Variants in CDH4 observed in about 807,000 individuals in gnomAD.
CDH4 encodes the protein cadherin-4.
A neutral mutation model predicts 86.0 loss-of-function variants in CDH4; 33 were observed. That is an observed-to-expected ratio of 0.38 (90% CI 0.29 to 0.51). The LOEUF (loss-of-function observed/expected upper bound fraction) is 0.51, where lower values mean the gene tolerates loss of function less well. Ranked by LOEUF, CDH4 falls within the 20% of genes least tolerant of loss-of-function variation. The pLI is 0.86. For synonymous variants in CDH4, 555 were observed against 549.4 expected (o/e 1.01, Z -0.14); for missense variants, 1,114 against 1,307.4 (o/e 0.85, Z 2.28).
At chr20:61,812,488 C>T (rs1980489945) in intron 4 of CDH4, among the ~76,000 whole-genome samples, 1 of 152,176 alleles carries the variant, frequency 6.6e-6, no homozygotes, top group South Asian at 2.1e-4. Context: ...GTACCGACTG[C>T]ACCAGCTTCC....
intron 2 of CDH4, among the ~76,000 whole-genome samples, chr20:61,602,935 C>T (rs115270078): frequency 0.02 from 3,086 of 152,308 alleles, 92 homozygotes; most frequent in African/African-American, 0.061. Flanking sequence ...AGATGCAGCA[C>T]CTGAGGCCCC....
chr20:61,745,604 G>A (rs745747640), intron 3 of CDH4, among the ~76,000 whole-genome samples: 8 of 151,748 alleles, frequency 5.3e-5, no homozygotes, highest in Non-Finnish European at 7.4e-5. Flanking sequence ...AGTCTAGGAC[G>A]GTGTATGTCA....
At chr20:61,464,562 G>A (rs1358903369) in intron 2 of CDH4, among the ~76,000 whole-genome samples, 1 of 152,244 alleles carries the variant, frequency 6.6e-6, no homozygotes, top group Non-Finnish European at 1.5e-5. Flanking sequence ...TCCCTGAGTA[G>A]TGACTAATAC....
intron 2 of CDH4, among the ~76,000 whole-genome samples, chr20:61,489,152 G>A (rs1411935608): frequency 6.6e-6 from 1 of 152,064 alleles, no homozygotes; most frequent in Non-Finnish European, 1.5e-5. Flanking sequence ...CTCTTCTCAG[G>A]AGAACTGAGA....
chr20:61,344,427 G>A (rs1397242272), intron 2 of CDH4, among the ~76,000 whole-genome samples: 1 of 152,170 alleles, frequency 6.6e-6, no homozygotes, highest in Non-Finnish European at 1.5e-5. Context: ...ATCAAGAAAG[G>A]ATTTGAAGTA....
At chr20:61,485,406 G>A (rs1466245266) in intron 2 of CDH4, among the ~76,000 whole-genome samples, 2 of 152,134 alleles carry the variant, frequency 1.3e-5, no homozygotes, top group African/African-American at 2.4e-5. Context: ...AGCACACCAG[G>A]GCCCTCCTTC....
rs772236837 is a variant in CDH4, at chr20:61,517,485, A to G, written c.170-226078A>G. 1.3e-5 allele frequency among the ~76,000 whole-genome samples: 2 copies of G among 152,178 alleles called. No individual in the cohort carries two copies. Among genetic ancestry groups the G allele is most frequent in the South Asian group, 2.1e-4 (1 of 4,826 alleles). ...GCTGGGATTGCAGGTATGAGCCACC[A>G]TGCCTGGCCTATAGACTTTTGTGTC... On this transcript the variant is annotated intron_variant, in intron 2 of 15. Coordinates refer to ENST00000614565, the MANE Select transcript of CDH4 (RefSeq NM_001794.5). The surrounding 1 kb of genome is among the most constrained non-coding windows in gnomAD (Gnocchi z 6.6).
chr20:61,368,362 A>G (rs556267030), intron 2 of CDH4, among the ~76,000 whole-genome samples: 2 of 152,180 alleles, frequency 1.3e-5, no homozygotes, highest in Admixed American at 6.5e-5. Flanking sequence ...CTTAGAAAAG[A>G]GGTTCCAGAG....
chr20:61,929,471 GTGTATGTA>G, intron 12 of CDH4, 130 bp from the exon 13 acceptor site: 6 of 655,448 alleles, frequency 9.2e-6, no homozygotes, highest in Middle Eastern at 2.5e-4. Context: ...TGTAGCACAG[GTGTATGTA>G]TGTATGTGTG....
Position 61,545,271 on chromosome 20 carries a change from C to T in CDH4, c.170-198292C>T, listed in dbSNP as rs1285576348. ...AAAAATTACCTTTAAAATGCTAAAG[C>T]TGTGGCCATGTCCAACATGCGTACA... On this transcript the variant is annotated intron_variant, in intron 2 of 15. Coordinates refer to ENST00000614565, the MANE Select transcript of CDH4 (RefSeq NM_001794.5). 8.2e-4 allele frequency among the ~76,000 whole-genome samples: 125 copies of T among 152,262 alleles called. 1 individual carries two copies. Among genetic ancestry groups the T allele is most frequent in the Non-Finnish European group, 2.9e-5 (2 of 68,052 alleles).
At chr20:61,282,777 G>A (rs115385016) in intron 2 of CDH4, among the ~76,000 whole-genome samples, 1,713 of 152,366 alleles carry the variant, frequency 0.011, 29 homozygotes, top group African/African-American at 0.039. Context: ...ACACGGATAA[G>A]CATGTGTGAA....
intron 2 of CDH4, among the ~76,000 whole-genome samples, chr20:61,610,357 C>A (rs1017281176): frequency 1.3e-5 from 2 of 152,206 alleles, no homozygotes; most frequent in African/African-American, 4.8e-5. Flanking sequence ...GAATACTATT[C>A]CACTGTGTAC....
intron 2 of CDH4, among the ~76,000 whole-genome samples, chr20:61,289,404 G>C (rs1431605109): frequency 2.0e-5 from 3 of 152,214 alleles, no homozygotes; most frequent in Non-Finnish European, 4.4e-5. Flanking sequence ...TCTCTTCTCT[G>C]GGGGAGGCTG....
intron 2 of CDH4, among the ~76,000 whole-genome samples, chr20:61,296,845 G>C (rs370040934): frequency 1.1e-3 from 171 of 152,266 alleles, no homozygotes; most frequent in African/African-American, 3.0e-3. Flanking sequence ...GGTGGCGTCA[G>C]GTGGAAGGAG....
In CDH4 at chr20:61,684,151, T is replaced by C. The variant is rs970355238; in HGVS notation, c.170-59412T>C. 3.3e-5 allele frequency among the ~76,000 whole-genome samples: 5 copies of C among 152,218 alleles called. No homozygotes were observed. The highest frequency in any genetic ancestry group is 1.5e-5 in the Non-Finnish European group (1 of 68,036). ...GGCATCGGACAAAGCCTCTGCCCTCTGGATGCCAAACATTCTAGAAACCCC... is the reference window on the plus strand; with the variant it reads ...GGCATCGGACAAAGCCTCTGCCCTCCGGATGCCAAACATTCTAGAAACCCC... On this transcript the variant is annotated intron_variant, in intron 2 of 15. Coordinates refer to ENST00000614565, the MANE Select transcript of CDH4 (RefSeq NM_001794.5). The surrounding 1 kb of genome is among the most constrained non-coding windows in gnomAD (Gnocchi z 4.5).
intron 3 of CDH4, among the ~76,000 whole-genome samples, chr20:61,757,463 G>C (rs2088579605): frequency 6.6e-6 from 1 of 152,242 alleles, no homozygotes; most frequent in Admixed American, 6.5e-5. Flanking sequence ...ATCTGGGCCA[G>C]CCCTTCACTT....
chr20:61,800,246 C>T (rs1979757933), intron 4 of CDH4, among the ~76,000 whole-genome samples: 1 of 152,230 alleles, frequency 6.6e-6, no homozygotes, highest in Admixed American at 6.5e-5. Flanking sequence ...CTCGAGTGCA[C>T]ACACGGTGCT....
In CDH4 at chr20:61,718,523, C is replaced by T. The variant is rs538439869; in HGVS notation, c.170-25040C>T. 5.0e-5 allele frequency: 16 copies of T among 321,524 alleles called. No individual in the cohort carries two copies. The East Asian group carries it at 1.2e-3, about 24-fold the overall frequency. 19.9% of individuals were successfully genotyped at this position (321,524 alleles called of 1,614,324 possible). On this transcript the variant is annotated intron_variant, in intron 2 of 15. Coordinates refer to ENST00000614565, the MANE Select transcript of CDH4 (RefSeq NM_001794.5). ...GACAGTGCCGTCCCATATCCCAGGC[C>T]GTGCTTCCCTTCCTGGAACAGGCCA... is the stretch of plus-strand genomic sequence containing the variant.
chr20:61,707,766 G>A (rs1333295057), intron 2 of CDH4, among the ~76,000 whole-genome samples: 1 of 152,130 alleles, frequency 6.6e-6, no homozygotes, highest in African/African-American at 2.4e-5. Flanking sequence ...CATGAGGAAC[G>A]CGCAGCCTAG....
Sources: gnomAD v4.1 joint callset for allele counts (sites outside exome capture counted in the v4.1 genomes callset) on GRCh38, gnomAD v4.1.1 for gene constraint, Gnocchi (gnomAD v3.1) non-coding constraint, MANE v1.5 for transcripts, NCBI Gene and HGNC (gene_info 2026-07-23, HGNC 2026-07-21) for gene names.